The following DLGAP2 variants were observed in gnomAD, a reference collection of about 807,000 sequenced individuals.
The protein encoded by DLGAP2 is disks large-associated protein 2.
Under a neutral mutation model 100.3 loss-of-function variants are expected in DLGAP2, and 26 were observed. The ratio of observed to expected loss-of-function variants is 0.26; its 90% CI spans 0.19 to 0.36. The LOEUF (loss-of-function observed/expected upper bound fraction) is 0.36, where lower values mean the gene tolerates loss of function less well. Ranked by LOEUF, DLGAP2 falls within the 10% of genes least tolerant of loss-of-function variation. DLGAP2 has a pLI of 1.00. For missense variants in DLGAP2, 1,858 were observed against 1,453.2 expected (o/e 1.28, Z -4.53); for synonymous variants, 886 against 630.1 (o/e 1.41, Z -6.08).
chr8:1,320,236 G>T (rs1800863931), intron 3 of DLGAP2, among the ~76,000 whole-genome samples: 1 of 152,042 alleles, frequency 6.6e-6, no homozygotes, highest in African/African-American at 2.4e-5. Context: ...ATTTGCAGGG[G>T]AAAGTTATGT....
At chr8:1,424,505 T>G (rs562937038) in intron 3 of DLGAP2, among the ~76,000 whole-genome samples, 4 of 152,304 alleles carry the variant, frequency 2.6e-5, no homozygotes, top group African/African-American at 9.6e-5. Flanking sequence ...AGGAAGGAAA[T>G]TCTACACATC....
intron 2 of DLGAP2, among the ~76,000 whole-genome samples, chr8:1,114,555 C>G (rs974854155): frequency 6.6e-6 from 1 of 151,864 alleles, no homozygotes. Flanking sequence ...TTCTCTTTGT[C>G]ATTTCTAATT....
chr8:1,318,921 T>C (rs893888572), intron 3 of DLGAP2, among the ~76,000 whole-genome samples: 1 of 152,030 alleles, frequency 6.6e-6, no homozygotes, highest in Non-Finnish European at 1.5e-5. Context: ...ATTTTAGGAT[T>C]AACTCAAAAC....
chr8:1,562,228 G>C (rs867570583), intron 5 of DLGAP2, among the ~76,000 whole-genome samples: 13 of 27,778 alleles, frequency 4.7e-4, no homozygotes, highest in African/African-American at 2.0e-3. Context: ...GGACTGTGTG[G>C]TGTTGGGGTG....
At chr8:1,679,979 CAAAAAAAAAA>C (rs760100523) in intron 12 of DLGAP2, among the ~76,000 whole-genome samples, 6 of 63,528 alleles carry the variant, frequency 9.4e-5, no homozygotes, top group African/African-American at 2.4e-4. Flanking sequence ...GACTCTGTCT[CAAAAAAAAAA>C]AAAAAAAAAA....
chr8:1,458,262 A>C (rs1052352280), intron 3 of DLGAP2, among the ~76,000 whole-genome samples: 2 of 151,918 alleles, frequency 1.3e-5, no homozygotes, highest in Non-Finnish European at 2.9e-5. Flanking sequence ...CATGTTTGGA[A>C]ACACAAAATT....
At chr8:1,007,493 A>G (rs1471345472) in intron 2 of DLGAP2, among the ~76,000 whole-genome samples, 2 of 152,248 alleles carry the variant, frequency 1.3e-5, no homozygotes, top group South Asian at 4.1e-4. Flanking sequence ...CAGGAGGGAA[A>G]GATGTGTCTC....
chr8:1,463,465 G>A (rs531132385), intron 3 of DLGAP2, among the ~76,000 whole-genome samples: 4 of 152,294 alleles, frequency 2.6e-5, no homozygotes, highest in Non-Finnish European at 4.4e-5. Context: ...AACTCCCTTC[G>A]AACCCACCGT....
At chr8:1,080,129 G>A (rs933437429) in intron 2 of DLGAP2, among the ~76,000 whole-genome samples, 2 of 152,212 alleles carry the variant, frequency 1.3e-5, no homozygotes, top group Non-Finnish European at 2.9e-5. Context: ...CTGCAGGTTC[G>A]CTGGGGGGTT....
chr8:1,655,089 T>C (rs1798253883), intron 8 of DLGAP2, among the ~76,000 whole-genome samples: 1 of 152,232 alleles, frequency 6.6e-6, no homozygotes, highest in Non-Finnish European at 1.5e-5. Context: ...AATTAACACA[T>C]TCAAAATAGA....
chr8:1,631,448 C>A (rs7837154), intron 7 of DLGAP2, among the ~76,000 whole-genome samples: 2 of 151,918 alleles, frequency 1.3e-5, no homozygotes, highest in African/African-American at 4.8e-5. Flanking sequence ...TGAAAACTTA[C>A]ATTGGAAGAA....
At chr8:1,435,443 A>T (rs1034966969) in intron 3 of DLGAP2, among the ~76,000 whole-genome samples, 3 of 152,016 alleles carry the variant, frequency 2.0e-5, no homozygotes, top group Admixed American at 6.6e-5. Flanking sequence ...CTGTCCAGTG[A>T]CCTCATAGCC....
chr8:1,164,432 C>T (rs1029156669), intron 2 of DLGAP2, among the ~76,000 whole-genome samples: 1 of 145,318 alleles, frequency 6.9e-6, no homozygotes, highest in African/African-American at 2.5e-5. Flanking sequence ...CGATTCAGCC[C>T]CATGTGAAAG....
At chr8:1,054,260 G>A (rs773830492) in intron 2 of DLGAP2, among the ~76,000 whole-genome samples, 37 of 151,406 alleles carry the variant, frequency 2.4e-4, no homozygotes, top group African/African-American at 3.2e-4. Context: ...GTACACACAC[G>A]CACACACACG....
chr8:1,583,613 C>T (rs900748238), intron 6 of DLGAP2, among the ~76,000 whole-genome samples: 1 of 152,166 alleles, frequency 6.6e-6, no homozygotes, highest in Non-Finnish European at 1.5e-5. Flanking sequence ...GAGCCACTTC[C>T]TGTGTTTCTA....
chr8:1,181,256 G>A (rs1044677575), intron 2 of DLGAP2, among the ~76,000 whole-genome samples: 1 of 152,004 alleles, frequency 6.6e-6, no homozygotes, highest in Admixed American at 6.5e-5. Flanking sequence ...TTACTGTCGA[G>A]TGTGGGTGGC....
chr8:1,248,215 T>C (rs796650882), intron 2 of DLGAP2, among the ~76,000 whole-genome samples: 1 of 45,652 alleles, frequency 2.2e-5, no homozygotes, highest in Non-Finnish European at 5.1e-5. Flanking sequence ...GGAGTGATGG[T>C]CCATGTCGGT....
chr8:984,151 C>G (rs2129015044), intron 2 of DLGAP2, among the ~76,000 whole-genome samples: 1 of 152,266 alleles, frequency 6.6e-6, no homozygotes, highest in East Asian at 1.9e-4. Flanking sequence ...TTTTAAAAAT[C>G]ATATGGAAAG....
intron 1 of DLGAP2, among the ~76,000 whole-genome samples, chr8:745,895 C>T (rs992944415): frequency 2.6e-5 from 4 of 152,202 alleles, no homozygotes; most frequent in African/African-American, 9.6e-5. Context: ...ATACCGACTC[C>T]AGAAAGAGGA....
Sources: allele counts gnomAD v4.1 joint callset (sites outside exome capture counted in the v4.1 genomes callset), GRCh38; gene constraint gnomAD v4.1.1; transcripts MANE v1.5; gene names NCBI Gene and HGNC (gene_info 2026-07-23, HGNC 2026-07-21).